The following FMN2 variants were observed in gnomAD, a reference collection of about 807,000 sequenced individuals.
FMN2 encodes formin-2.
A neutral mutation model predicts 142.3 loss-of-function variants in FMN2; 51 were observed. The ratio of observed to expected loss-of-function variants is 0.36; its 90% CI spans 0.29 to 0.45. The LOEUF (loss-of-function observed/expected upper bound fraction) is 0.45, where lower values mean the gene tolerates loss of function less well. Ranked by LOEUF, FMN2 falls within the 20% of genes least tolerant of loss-of-function variation. FMN2 has a pLI of 1.00. For synonymous variants in FMN2, 882 were observed against 869.8 expected, an observed-to-expected ratio of 1.01 and a Z score of -0.25; for missense variants, 1,936 against 2,122.8, an observed-to-expected ratio of 0.91 and a Z score of 1.73.
chr1:240,386,767 T>A (rs1409813197), intron 14 of FMN2, among the ~76,000 whole-genome samples: 1 of 152,114 alleles, frequency 6.6e-6, no homozygotes, highest in African/African-American at 2.4e-5. Flanking sequence ...AAATCACTAT[T>A]TGTAATCAGT....
At position 240,329,120 on chromosome 1, in the gene FMN2, ATCT is replaced by A. The variant is rs1432162911; in HGVS notation, c.4263_4265del (p.Ser1422del). 6.2e-7 allele frequency: 1 copy of A among 1,614,024 alleles called. No individual in the cohort carries two copies. The highest frequency in any genetic ancestry group is 8.5e-7 in the Non-Finnish European group (1 of 1,180,008). ...TCGAAAAAATAGAAAAGCATGGCCGATCTTCCAAAGACAAGGAAAATGCCAAGT... is the reference window on the plus strand; with the variant it reads ...TCGAAAAAATAGAAAAGCATGGCCGATCCAAAGACAAGGAAAATGCCAAGT... On this transcript the variant is annotated inframe_deletion, in exon 9 of 18. Transcript: ENST00000319653.
chr1:240,105,360 C>T (rs759159789), intron 1 of FMN2, among the ~76,000 whole-genome samples: 43 of 152,102 alleles, frequency 2.8e-4, no homozygotes, highest in Non-Finnish European at 4.1e-4. Context: ...CCACTCACCT[C>T]GGCCTCCCAG....
intron 7 of FMN2, among the ~76,000 whole-genome samples, chr1:240,282,047 T>C (rs1669413803): frequency 6.6e-6 from 1 of 152,210 alleles, no homozygotes; most frequent in Admixed American, 6.5e-5. Context: ...ATATGTGCTA[T>C]TTAGACATTG....
chr1:240,228,521 G>C (rs1667424649), intron 6 of FMN2, among the ~76,000 whole-genome samples: 1 of 151,860 alleles, frequency 6.6e-6, no homozygotes, highest in Non-Finnish European at 1.5e-5. Context: ...TATAATCAAA[G>C]AGAAAGGCCA....
At position 240,374,947 on chromosome 1, in the gene FMN2, A is replaced by T. The variant is rs145458219; in HGVS notation, c.4859-17564A>T. Among the ~76,000 whole-genome samples, 81 of 152,248 alleles carry T rather than the reference A, an allele frequency of 5.3e-4. 1 individual carries two copies. Among genetic ancestry groups the T allele is most frequent in the African/African-American group, 1.8e-3 (76 of 41,544 alleles). ...TTCACCTGAGCACTTAGAGGCCTGT[A>T]CAGTTTTTAATTGTAGGGTTATTAA... On this transcript the variant is annotated intron_variant, in intron 14 of 17. Coordinates refer to ENST00000319653, the MANE Select transcript of FMN2 (RefSeq NM_020066.5).
intron 2 of FMN2, chr1:240,143,126 G>C (rs879043288): frequency 6.4e-7 from 1 of 1,561,358 alleles, no homozygotes; most frequent in South Asian, 1.1e-5. Context: ...AGAGGTCGTT[G>C]GGGTCCTTGG....
chr1:240,356,155 T>C (rs911066516), intron 14 of FMN2, among the ~76,000 whole-genome samples: 1 of 152,158 alleles, frequency 6.6e-6, no homozygotes, highest in Non-Finnish European at 1.5e-5. Flanking sequence ...TTTGCTTGCA[T>C]GACAGTATAT....
chr1:240,138,420 C>G (rs1663043396), intron 2 of FMN2, among the ~76,000 whole-genome samples: 1 of 152,004 alleles, frequency 6.6e-6, no homozygotes, highest in Non-Finnish European at 1.5e-5. Context: ...TACATGTGGG[C>G]CGAGCACGGT....
chr1:240,344,466 T>C (rs897143416), intron 13 of FMN2, among the ~76,000 whole-genome samples: 1 of 152,218 alleles, frequency 6.6e-6, no homozygotes, highest in Non-Finnish European at 1.5e-5. Flanking sequence ...CCTCAAGTAT[T>C]TCTCTTTCTC....
intron 15 of FMN2, among the ~76,000 whole-genome samples, chr1:240,412,532 T>G (rs1245089118): frequency 2.0e-5 from 3 of 152,062 alleles, no homozygotes; most frequent in Non-Finnish European, 1.5e-5. Flanking sequence ...ATCTGCCTTG[T>G]AGGGTAGACA....
intron 11 of FMN2, 72 bp downstream of exon 11, chr1:240,330,821 T>G: frequency 1.3e-6 from 2 of 1,527,302 alleles, no homozygotes; most frequent in Admixed American, 2.2e-5. Context: ...GGTTTGAATG[T>G]AAAGCAGTTG....
At chr1:240,440,613 T>C (rs74149105) in intron 16 of FMN2, among the ~76,000 whole-genome samples, 9,139 of 152,222 alleles carry the variant, frequency 0.06, 893 homozygotes, top group African/African-American at 0.21. Flanking sequence ...AGTTTACAAG[T>C]GCTCTTGACT....
chr1:240,380,037 G>T (rs903031631), intron 14 of FMN2, among the ~76,000 whole-genome samples: 2 of 152,016 alleles, frequency 1.3e-5, no homozygotes, highest in Non-Finnish European at 2.9e-5. Context: ...AGAGTAATTT[G>T]GGGACACTTC....
At chr1:240,280,157 T>TC (rs1669349934) in intron 7 of FMN2, among the ~76,000 whole-genome samples, 1 of 152,122 alleles carries the variant, frequency 6.6e-6, no homozygotes, top group Non-Finnish European at 1.5e-5. Flanking sequence ...TCTTAGTTCT[T>TC]CCCCCTACCT....
Position 240,093,587 on chromosome 1 carries a change from C to G in FMN2, c.1478C>G (p.Thr493Arg). The G allele has an allele frequency of 6.9e-7, 1 of 1,448,942 alleles. No individual in the cohort carries two copies. The highest frequency in any genetic ancestry group is 9.0e-7 in the Non-Finnish European group (1 of 1,111,322). The allele number at this position is 1,448,942 out of a possible 1,614,324, so 89.8% of individuals were successfully genotyped here. Residue 493 changes from threonine to arginine, a missense_variant, in exon 1 of 18, where the codon ACG becomes AGG. Coordinates refer to ENST00000319653, the MANE Select transcript of FMN2 (RefSeq NM_020066.5). ...ADWTEELGAR[T>R]PRVGGSAHLL... Reference sequence around the variant, plus strand: ...TGGACGGAGGAGCTAGGCGCCCGCACGCCCCGGGTGGGAGGCTCCGCGCAC... The same window carrying G: ...TGGACGGAGGAGCTAGGCGCCCGCAGGCCCCGGGTGGGAGGCTCCGCGCAC...
intron 7 of FMN2, among the ~76,000 whole-genome samples, chr1:240,274,221 GAAAA>G (rs112979143): frequency 3.7e-5 from 4 of 109,456 alleles, no homozygotes; most frequent in Admixed American, 1.0e-4. Flanking sequence ...TGGGGGAAAC[GAAAA>G]AAAAAAAAAA....
At chr1:240,108,897 G>A (rs186450948) in intron 1 of FMN2, among the ~76,000 whole-genome samples, 15 of 152,162 alleles carry the variant, frequency 9.9e-5, no homozygotes, top group African/African-American at 1.7e-4. Flanking sequence ...TTAGCCTGGC[G>A]TGGTGGCGAG....
At chr1:240,142,010 T>G (rs2103253808) in intron 2 of FMN2, among the ~76,000 whole-genome samples, 1 of 152,302 alleles carries the variant, frequency 6.6e-6, no homozygotes, top group Non-Finnish European at 1.5e-5. Flanking sequence ...TTGGCAACAC[T>G]GATTCATTCT....
At chr1:240,311,918 T>A (rs939563098) in intron 8 of FMN2, among the ~76,000 whole-genome samples, 2 of 152,192 alleles carry the variant, frequency 1.3e-5, no homozygotes, top group Non-Finnish European at 2.9e-5. Context: ...CTTGAACTGC[T>A]GAACTCAAGT....
Sources: allele counts gnomAD v4.1 joint callset (sites outside exome capture counted in the v4.1 genomes callset), GRCh38; gene constraint gnomAD v4.1.1; transcripts MANE v1.5; gene names NCBI Gene and HGNC (gene_info 2026-07-23, HGNC 2026-07-21).